Variants in SCP2 observed in about 807,000 individuals in gnomAD.
SCP2 encodes the protein sterol carrier protein 2.
A neutral mutation model predicts 71.4 loss-of-function variants in SCP2; 48 were observed. The observed-to-expected ratio is 0.67, with a 90% CI of 0.53 to 0.86. The LOEUF (loss-of-function observed/expected upper bound fraction) is 0.86, where lower values mean the gene tolerates loss of function less well. Ranked by LOEUF, SCP2 falls within the 40% of genes least tolerant of loss-of-function variation. The pLI is 0.00. For missense variants in SCP2, 560 were observed against 655.6 expected, an observed-to-expected ratio of 0.85 and a Z score of 1.59; for synonymous variants, 220 against 218.1, an observed-to-expected ratio of 1.01 and a Z score of -0.08.
Position 53,050,792 on chromosome 1 carries a change from T to C in SCP2, c.*88T>C. On this transcript the variant is annotated 3_prime_UTR_variant, in exon 16 of 16. Transcript: ENST00000371514. ...TTATTGTCAGAATTTAGACTGAAAC[T>C]ACACATTGGCAAATAGCGTGGGATA... The C allele has an allele frequency of 1.1e-6, 1 of 934,124 alleles. No homozygotes were observed. Among genetic ancestry groups the C allele is most frequent in the South Asian group, 1.3e-5 (1 of 76,294 alleles). 57.9% of individuals were successfully genotyped at this position (934,124 alleles called of 1,614,324 possible). A position where few individuals can be genotyped will look rare whatever the true frequency, so the allele number is the denominator to read the frequency against.
At chr1:53,036,019 CA>C (rs35164089) in intron 13 of SCP2, among the ~76,000 whole-genome samples, 8,226 of 63,162 alleles carry the variant, frequency 0.13, 201 homozygotes, top group African/African-American at 0.24. Context: ...GACTCCGTCT[CA>C]AAAAAAAAAA....
chr1:53,003,349 G>A (rs1239325384), intron 11 of SCP2, among the ~76,000 whole-genome samples: 1 of 152,174 alleles, frequency 6.6e-6, no homozygotes, highest in African/African-American at 2.4e-5. Context: ...CTCCCAAGTA[G>A]TTGGGACTGC....
intron 6 of SCP2, among the ~76,000 whole-genome samples, chr1:52,967,611 G>A (rs1657088524): frequency 6.6e-6 from 1 of 152,022 alleles, no homozygotes; most frequent in Admixed American, 6.6e-5. Context: ...AATTGCTATG[G>A]GATTGAACAA....
At chr1:52,989,053 C>T (rs752352691) in intron 11 of SCP2, among the ~76,000 whole-genome samples, 1 of 152,166 alleles carries the variant, frequency 6.6e-6, no homozygotes, top group East Asian at 1.9e-4. Context: ...TTGTATATAA[C>T]GTAAGATTTT....
intron 2 of SCP2, among the ~76,000 whole-genome samples, chr1:52,945,952 A>G (rs909462114): frequency 6.6e-6 from 1 of 151,426 alleles, no homozygotes; most frequent in Admixed American, 6.6e-5. Context: ...TAATTGAGAC[A>G]TGGTCTCCCT....
chr1:53,031,561 C>T (rs1166948583), intron 13 of SCP2, among the ~76,000 whole-genome samples: 1 of 152,200 alleles, frequency 6.6e-6, no homozygotes, highest in Non-Finnish European at 1.5e-5. Flanking sequence ...TGCCACAGGA[C>T]CTACTCCTTA....
chr1:53,004,505 C>T (rs141784235), intron 11 of SCP2, among the ~76,000 whole-genome samples: 280 of 152,318 alleles, frequency 1.8e-3, no homozygotes, highest in African/African-American at 6.5e-3. Flanking sequence ...TAACTGATGA[C>T]ATGCCACCAT....
At chr1:52,945,500 G>A (rs929532466) in intron 2 of SCP2, among the ~76,000 whole-genome samples, 1 of 152,204 alleles carries the variant, frequency 6.6e-6, no homozygotes, top group African/African-American at 2.4e-5. Context: ...TCAAGGGTTC[G>A]AGACCATCCT....
At chr1:52,927,987 G>T (rs1244187084) in intron 1 of SCP2, among the ~76,000 whole-genome samples, 3 of 152,174 alleles carry the variant, frequency 2.0e-5, no homozygotes, top group Admixed American at 6.5e-5. Context: ...TCCCCTCATC[G>T]CCCGCATGCT....
chr1:52,987,172 A>G (rs1018583549), intron 10 of SCP2, among the ~76,000 whole-genome samples: 3 of 151,850 alleles, frequency 2.0e-5, no homozygotes, highest in African/African-American at 7.3e-5. Flanking sequence ...CGGCCTCCCA[A>G]AGTTCTGGGA....
intron 14 of SCP2, among the ~76,000 whole-genome samples, chr1:53,047,433 G>T (rs1378818970): frequency 6.6e-6 from 1 of 152,156 alleles, no homozygotes; most frequent in Non-Finnish European, 1.5e-5. Context: ...TAATATATTG[G>T]TGTCTTAAGT....
At chr1:53,017,411 T>G (rs1304651597) in intron 12 of SCP2, among the ~76,000 whole-genome samples, 1 of 152,214 alleles carries the variant, frequency 6.6e-6, no homozygotes, top group Non-Finnish European at 1.5e-5. Flanking sequence ...TTTCCACCCA[T>G]GTAGTACTCC....
chr1:53,032,330 T>C (rs1422173138), intron 13 of SCP2, among the ~76,000 whole-genome samples: 1 of 152,162 alleles, frequency 6.6e-6, no homozygotes, highest in Non-Finnish European at 1.5e-5. Context: ...CAGAGTTTAG[T>C]GGGAAGAGAG....
At chr1:52,981,717 C>A (rs962572992) in intron 10 of SCP2, among the ~76,000 whole-genome samples, 2 of 151,306 alleles carry the variant, frequency 1.3e-5, no homozygotes, top group East Asian at 1.9e-4. Flanking sequence ...CAAGCATGAG[C>A]CACCTGGCTC....
At chr1:52,964,877 G>A (rs1339812737) in intron 6 of SCP2, among the ~76,000 whole-genome samples, 1 of 152,076 alleles carries the variant, frequency 6.6e-6, no homozygotes, top group Non-Finnish European at 1.5e-5. Context: ...AGCCGAGCCT[G>A]GTAGTGCACA....
intron 13 of SCP2, 126 bp from the exon 14 acceptor site, chr1:53,038,791 A>C: frequency 8.7e-7 from 1 of 1,145,332 alleles, no homozygotes. Context: ...AAAGATCATA[A>C]GGGACCTTGG....
At chr1:52,997,211 G>A (rs1379345109) in intron 11 of SCP2, among the ~76,000 whole-genome samples, 5 of 151,900 alleles carry the variant, frequency 3.3e-5, no homozygotes, top group Admixed American at 2.0e-4. Flanking sequence ...CTCTGTCCCC[G>A]AGGTTAGAGT....
intron 5 of SCP2, among the ~76,000 whole-genome samples, chr1:52,960,081 G>A (rs1572090531): frequency 6.6e-6 from 1 of 151,716 alleles, no homozygotes; most frequent in South Asian, 2.1e-4. Flanking sequence ...TAGTAGCGAC[G>A]GGGTTTCACC....
At chr1:52,968,320 T>G (rs1206596184) in intron 6 of SCP2, among the ~76,000 whole-genome samples, 1 of 152,212 alleles carries the variant, frequency 6.6e-6, no homozygotes, top group Non-Finnish European at 1.5e-5. Flanking sequence ...TTGTCTCTTT[T>G]GTTAAATTTT....
Sources: gnomAD v4.1 joint callset for allele counts (sites outside exome capture counted in the v4.1 genomes callset) on GRCh38, gnomAD v4.1.1 for gene constraint, MANE v1.5 for transcripts, NCBI Gene and HGNC (gene_info 2026-07-23, HGNC 2026-07-21) for gene names.